ANXA10: variants seen among roughly 807,000 people sequenced by gnomAD.
ANXA10 encodes annexin 14.
In ANXA10, 49 loss-of-function variants were observed where a neutral mutation model predicts 53.5. The observed-to-expected ratio is 0.92, with a 90% CI of 0.73 to 1.16. The LOEUF (loss-of-function observed/expected upper bound fraction) is 1.16. Among genes scored for constraint, ANXA10 ranks in the 50% most tolerant of loss-of-function variants. The probability of loss-of-function intolerance (pLI) is 0.00; values close to 1 mark genes in which losing one functional copy is unlikely to be tolerated. For synonymous variants in ANXA10, 131 were observed against 128.9 expected, an observed-to-expected ratio of 1.02 and a Z score of -0.11; for missense variants, 393 against 394.4, an observed-to-expected ratio of 1.00 and a Z score of 0.03.
chr4:168,170,873 TA>T (rs1731971876), intron 6 of ANXA10, among the ~76,000 whole-genome samples: 2 of 152,170 alleles, frequency 1.3e-5, no homozygotes, highest in African/African-American at 4.8e-5. Flanking sequence ...ACCAAACTAT[TA>T]AAAACTTAAT....
chr4:168,156,028 T>TATATTATATATC (rs1731648605), intron 3 of ANXA10, among the ~76,000 whole-genome samples: 3 of 26,794 alleles, frequency 1.1e-4, no homozygotes, highest in African/African-American at 4.5e-4. Flanking sequence ...TAATATATTA[T>TATATTATATATC]ATATAGTATT....
chr4:168,174,154 C>T (rs1263216153), intron 6 of ANXA10, among the ~76,000 whole-genome samples: 1 of 152,104 alleles, frequency 6.6e-6, no homozygotes, highest in Non-Finnish European at 1.5e-5. Flanking sequence ...TTGGGACCTG[C>T]CAAACAGTGA....
chr4:168,140,455 T>C (rs1224163600), intron 3 of ANXA10, among the ~76,000 whole-genome samples: 2 of 152,186 alleles, frequency 1.3e-5, no homozygotes, highest in African/African-American at 2.4e-5. Context: ...TAAGCCAAAG[T>C]AGAAGACCAG....
Position 168,184,699 on chromosome 4 carries a change from G to A in ANXA10, c.906+18G>A, listed in dbSNP as rs1417681722. The A allele has an allele frequency of 6.2e-7, 1 of 1,610,940 alleles. No homozygotes were observed. The highest frequency in any genetic ancestry group is 8.5e-7 in the Non-Finnish European group (1 of 1,178,898). ...ATATCAGAGTAAGTTTCCGACACAT[G>A]ATTTATTTGGACCCACATTTTCTCC... On this transcript the variant is annotated intron_variant, in intron 11 of 11. Transcript: ENST00000359299.
intron 6 of ANXA10, among the ~76,000 whole-genome samples, 175 bp from the exon 7 acceptor site, chr4:168,177,565 C>T (rs72987500): frequency 0.02 from 3,117 of 152,220 alleles, 89 homozygotes; most frequent in African/African-American, 0.071. Context: ...AAGACAAAAC[C>T]TTATACACTA....
At chr4:168,115,965 T>A (rs1312118195) in intron 1 of ANXA10, among the ~76,000 whole-genome samples, 1 of 152,180 alleles carries the variant, frequency 6.6e-6, no homozygotes, top group East Asian at 1.9e-4. Flanking sequence ...GATTTTTTTA[T>A]ACTTTATAAA....
At chr4:168,140,533 T>C (rs565311883) in intron 3 of ANXA10, among the ~76,000 whole-genome samples, 2 of 152,356 alleles carry the variant, frequency 1.3e-5, no homozygotes, top group South Asian at 4.1e-4. Flanking sequence ...ACTAGTTTTC[T>C]TTTGAAAGAG....
chr4:168,154,529 A>G (rs894054045), intron 3 of ANXA10, among the ~76,000 whole-genome samples: 1 of 152,202 alleles, frequency 6.6e-6, no homozygotes, highest in Non-Finnish European at 1.5e-5. Context: ...TTAGGGATAG[A>G]AGAAGGCCCA....
chr4:168,124,454 T>A (rs530611275), intron 1 of ANXA10, among the ~76,000 whole-genome samples: 1 of 152,218 alleles, frequency 6.6e-6, no homozygotes, highest in East Asian at 1.9e-4. Flanking sequence ...AGGAATCAGG[T>A]CATGAAGAAT....
chr4:168,100,942 T>C (rs1236484642), intron 1 of ANXA10, among the ~76,000 whole-genome samples: 1 of 152,042 alleles, frequency 6.6e-6, no homozygotes, highest in Non-Finnish European at 1.5e-5. Flanking sequence ...CCACAGATAT[T>C]GTTTAGATTA....
intron 2 of ANXA10, among the ~76,000 whole-genome samples, chr4:168,128,385 T>C (rs1054503391): frequency 6.6e-6 from 1 of 152,080 alleles, no homozygotes; most frequent in African/African-American, 2.4e-5. Context: ...GCTAGTCTAA[T>C]CTTAAAATGT....
In ANXA10 at chr4:168,127,816, C is replaced by CT. The variant is rs1560965783; in HGVS notation, c.19-268_19-267insT. 1.3e-5 allele frequency: 4 copies of CT among 315,778 alleles called. No individual in the cohort carries two copies. The Admixed American group carries it at 1.6e-4, about 13-fold the overall frequency. The allele number at this position is 315,778 out of a possible 1,614,324, so 19.6% of individuals were successfully genotyped here. On this transcript the variant is annotated intron_variant, in intron 1 of 11. Transcript: ENST00000359299. ...ATTTGTCTGGAAAACAATGTTGAAA[C>CT]CTTTTTTTTTTTTTTTTTTTTTTTT...
intron 1 of ANXA10, among the ~76,000 whole-genome samples, chr4:168,097,698 C>T (rs10213615): frequency 0.037 from 5,693 of 152,150 alleles, 369 homozygotes; most frequent in African/African-American, 0.13. Flanking sequence ...CCTGGTGTCC[C>T]TGGTCCCACC....
intron 1 of ANXA10, among the ~76,000 whole-genome samples, chr4:168,094,111 CTAA>C (rs1465798915): frequency 6.6e-6 from 1 of 151,934 alleles, no homozygotes; most frequent in Non-Finnish European, 1.5e-5. Context: ...ATTGTGTGGT[CTAA>C]TGTTACTATT....
intron 1 of ANXA10, among the ~76,000 whole-genome samples, chr4:168,103,287 T>C (rs1228758677): frequency 1.3e-5 from 2 of 152,038 alleles, no homozygotes; most frequent in African/African-American, 4.8e-5. Flanking sequence ...CTAGAAGTTT[T>C]ATAGACTTAC....
At chr4:168,161,847 T>C (rs897827627) in intron 3 of ANXA10, among the ~76,000 whole-genome samples, 1 of 152,318 alleles carries the variant, frequency 6.6e-6, no homozygotes, top group Non-Finnish European at 1.5e-5. Context: ...AAGTCATTCA[T>C]GATTTGGCTC....
chr4:168,145,835 T>C (rs1731397364), intron 3 of ANXA10, among the ~76,000 whole-genome samples: 1 of 152,134 alleles, frequency 6.6e-6, no homozygotes, highest in Admixed American at 6.5e-5. Flanking sequence ...GTCAGAAGTC[T>C]TACTGAGCTG....
At chr4:168,160,980 T>A (rs1291723508) in intron 3 of ANXA10, among the ~76,000 whole-genome samples, 2 of 152,152 alleles carry the variant, frequency 1.3e-5, no homozygotes, top group Non-Finnish European at 2.9e-5. Context: ...CATGGATAGA[T>A]TGCAAAAACT....
intron 2 of ANXA10, among the ~76,000 whole-genome samples, chr4:168,130,491 A>G (rs1434010589): frequency 6.6e-6 from 1 of 152,058 alleles, no homozygotes; most frequent in Non-Finnish European, 1.5e-5. Context: ...TAGTAGAAAG[A>G]GTTATGAAGC....
Sources: gnomAD v4.1 joint callset for allele counts (sites outside exome capture counted in the v4.1 genomes callset) on GRCh38, gnomAD v4.1.1 for gene constraint, MANE v1.5 for transcripts, NCBI Gene and HGNC (gene_info 2026-07-23, HGNC 2026-07-21) for gene names.